Variants in SFMBT2 observed in about 807,000 individuals in gnomAD.
SFMBT2 encodes the protein Scm like with four mbt domains 2.
A neutral mutation model predicts 110.1 loss-of-function variants in SFMBT2; 38 were observed. That is an observed-to-expected ratio of 0.35 (90% CI 0.27 to 0.45). The LOEUF is 0.45. SFMBT2 is among the 20% of genes least tolerant of loss of function. SFMBT2 has a pLI of 1.00. For synonymous variants in SFMBT2, 425 were observed against 425.4 expected (o/e 1.00, Z 0.01); for missense variants, 1,011 against 1,094.9 (o/e 0.92, Z 1.08).
chr10:7,393,788 C>A (rs566364376), intron 1 of SFMBT2, among the ~76,000 whole-genome samples: 4 of 152,108 alleles, frequency 2.6e-5, no homozygotes, highest in Admixed American at 1.3e-4. Flanking sequence ...GCCCTCTGAC[C>A]CCTAGACCTA....
Position 7,293,430 on chromosome 10 carries a change from T to G in SFMBT2, c.437-7476A>C, listed in dbSNP as rs1842318053. ...TTTTTTTTTAATGTGAAGGTAAAGC[T>G]AATGGGATTCGCTGATGGGCTACAA... On this transcript the variant is annotated intron_variant, in intron 4 of 20. Coordinates refer to ENST00000397167, the MANE Select transcript of SFMBT2 (RefSeq NM_001387889.1). This position sits in a 1 kb window ranked among gnomAD's most constrained non-coding sequence, Gnocchi z 4.6. Among the ~76,000 whole-genome samples, 1 of 152,024 alleles carries G rather than the reference T, an allele frequency of 6.6e-6. No individual in the cohort carries two copies. The highest frequency in any genetic ancestry group is 1.5e-5 in the Non-Finnish European group (1 of 67,994).
chr10:7,336,434 C>T (rs985938546), intron 4 of SFMBT2, among the ~76,000 whole-genome samples: 3 of 152,092 alleles, frequency 2.0e-5, no homozygotes, highest in African/African-American at 7.2e-5. Context: ...TATCTTGCAT[C>T]ATATGAGCAA....
intron 11 of SFMBT2, among the ~76,000 whole-genome samples, chr10:7,217,898 G>A (rs1839594531): frequency 6.6e-6 from 1 of 152,268 alleles, no homozygotes; most frequent in Non-Finnish European, 1.5e-5. Flanking sequence ...TGGTTTCTGA[G>A]AGCTTAAAAT....
intron 1 of SFMBT2, among the ~76,000 whole-genome samples, chr10:7,406,060 G>C (rs964515111): frequency 6.6e-6 from 1 of 151,572 alleles, no homozygotes; most frequent in African/African-American, 2.4e-5. Context: ...AGGTCCCAAT[G>C]CCATTTTGGT....
At chr10:7,331,596 C>T (rs1843559035) in intron 4 of SFMBT2, among the ~76,000 whole-genome samples, 1 of 152,158 alleles carries the variant, frequency 6.6e-6, no homozygotes, top group Admixed American at 6.5e-5. Context: ...GCCCTGTCCA[C>T]TGTGGTGGTA....
chr10:7,191,555 A>G (rs892143676), intron 15 of SFMBT2, among the ~76,000 whole-genome samples: 4 of 152,228 alleles, frequency 2.6e-5, no homozygotes, highest in Non-Finnish European at 4.4e-5. Context: ...TCTTTACTCC[A>G]AAGTCCGTAT....
chr10:7,225,511 A>C (rs1465367884), intron 10 of SFMBT2, among the ~76,000 whole-genome samples: 1 of 152,214 alleles, frequency 6.6e-6, no homozygotes, highest in Non-Finnish European at 1.5e-5. Flanking sequence ...TCTATTACAT[A>C]AACGGAGTGC....
At chr10:7,174,201 G>T (rs1327804707) in intron 17 of SFMBT2, among the ~76,000 whole-genome samples, 1 of 152,206 alleles carries the variant, frequency 6.6e-6, no homozygotes, top group Non-Finnish European at 1.5e-5. Context: ...GTTCTATAAG[G>T]ACCGTGTTAC....
Position 7,172,464 on chromosome 10 carries a change from C to G in SFMBT2, c.2151+31G>C, listed in dbSNP as rs759214152. 6.2e-7 allele frequency: 1 copy of G among 1,612,676 alleles called. No individual in the cohort carries two copies. ...CGGCCAGGGCCAGATGACAGAGCTA[C>G]AGGCTGGCAGGTGCCCCGGGCAGAA... On this transcript the variant is annotated intron_variant, in intron 18 of 20. Coordinates refer to ENST00000397167, the MANE Select transcript of SFMBT2 (RefSeq NM_001387889.1). This position sits in a 1 kb window ranked among gnomAD's most constrained non-coding sequence, Gnocchi z 4.6.
intron 4 of SFMBT2, among the ~76,000 whole-genome samples, chr10:7,351,876 A>AT (rs1336880483): frequency 2.1e-4 from 31 of 146,670 alleles, no homozygotes; most frequent in African/African-American, 8.4e-4. Context: ...CCTGTAAAAA[A>AT]AAAAATATAT....
intron 4 of SFMBT2, among the ~76,000 whole-genome samples, chr10:7,309,149 T>G (rs1377637389): frequency 1.3e-5 from 2 of 152,242 alleles, no homozygotes; most frequent in Non-Finnish European, 2.9e-5. Flanking sequence ...CTCCGTCATG[T>G]GGATAGACCT....
At chr10:7,292,891 G>T (rs1453673811) in intron 4 of SFMBT2, among the ~76,000 whole-genome samples, 1 of 152,032 alleles carries the variant, frequency 6.6e-6, no homozygotes, top group Non-Finnish European at 1.5e-5. Context: ...TACTAGGAAG[G>T]CTGAGGCAGG....
intron 7 of SFMBT2, among the ~76,000 whole-genome samples, chr10:7,273,915 C>A (rs1841684413): frequency 6.6e-6 from 1 of 152,158 alleles, no homozygotes; most frequent in Admixed American, 6.5e-5. Flanking sequence ...TCGACCCAGC[C>A]ATCCCATTAC....
Position 7,393,022 on chromosome 10 carries a change from T to A in SFMBT2, c.-51-11073A>T, listed in dbSNP as rs1564473092. ...ATATATATATATATATATATATATA[T>A]ATATATATATATAATTTTTTTTTTT... On this transcript the variant is annotated intron_variant, in intron 1 of 20. Transcript: ENST00000397167. Among the ~76,000 whole-genome samples, 94 of 73,786 alleles carry A rather than the reference T, an allele frequency of 1.3e-3. 1 individual carries two copies. The highest frequency in any genetic ancestry group is 1.9e-3 in the Non-Finnish European group (80 of 41,134). 48.4% of individuals were successfully genotyped at this position (73,786 alleles called of 152,430 possible). A position where few individuals can be genotyped will look rare whatever the true frequency, so the allele number is the denominator to read the frequency against.
chr10:7,391,456 ACT>A (rs1360867956), intron 1 of SFMBT2, among the ~76,000 whole-genome samples: 13 of 145,006 alleles, frequency 9.0e-5, no homozygotes, highest in East Asian at 2.0e-4. Flanking sequence ...ACAGAGCGAG[ACT>A]CTGTCTCAAA....
intron 7 of SFMBT2, among the ~76,000 whole-genome samples, chr10:7,257,768 C>T (rs1013727859): frequency 4.6e-5 from 7 of 152,132 alleles, no homozygotes; most frequent in Admixed American, 2.0e-4. Flanking sequence ...ATGCCTCTTC[C>T]CATCGCCACT....
intron 7 of SFMBT2, among the ~76,000 whole-genome samples, chr10:7,269,336 G>T (rs1841497945): frequency 6.6e-6 from 1 of 152,068 alleles, no homozygotes; most frequent in Admixed American, 6.6e-5. Flanking sequence ...ACCTACCCAG[G>T]AGCTCAATCA....
intron 4 of SFMBT2, among the ~76,000 whole-genome samples, chr10:7,286,795 T>C (rs1842104130): frequency 6.6e-6 from 1 of 152,128 alleles, no homozygotes; most frequent in South Asian, 2.1e-4. Context: ...ACGACTGCAC[T>C]GCAAATGGTC....
At chr10:7,362,943 A>G (rs1012114099) in intron 4 of SFMBT2, among the ~76,000 whole-genome samples, 1 of 152,244 alleles carries the variant, frequency 6.6e-6, no homozygotes, top group African/African-American at 2.4e-5. Context: ...TGCATTATAT[A>G]GGAAAACTAG....
Sources: allele counts gnomAD v4.1 joint callset (sites outside exome capture counted in the v4.1 genomes callset), GRCh38; gene constraint gnomAD v4.1.1; non-coding constraint Gnocchi (gnomAD v3.1); transcripts MANE v1.5; gene names NCBI Gene and HGNC (gene_info 2026-07-23, HGNC 2026-07-21).